Variants in MTR observed in about 807,000 individuals in gnomAD.
The protein encoded by MTR is methionine synthase.
Under a neutral mutation model 154.8 loss-of-function variants are expected in MTR, and 84 were observed. That is an observed-to-expected ratio of 0.54 (90% CI 0.45 to 0.65). The LOEUF (loss-of-function observed/expected upper bound fraction) is 0.65. Ranked by LOEUF, MTR falls within the 30% of genes least tolerant of loss-of-function variation. The pLI, the probability that MTR is intolerant of heterozygous loss-of-function variation, is 0.00. For missense variants in MTR, 1,275 were observed against 1,570.2 expected, an observed-to-expected ratio of 0.81 and a Z score of 3.18; for synonymous variants, 554 against 553.9, an observed-to-expected ratio of 1.00 and a Z score of 0.00.
chr1:236,891,066 A>G, intron 28 of MTR, 67 bp from the exon 29 acceptor site: 5 of 1,559,866 alleles, frequency 3.2e-6, no homozygotes, highest in Non-Finnish European at 4.4e-6. Flanking sequence ...ATGGCTTTTA[A>G]AAGAAGCATT....
At chr1:236,834,038 T>G (rs537709090) in intron 13 of MTR, among the ~76,000 whole-genome samples, 2 of 152,210 alleles carry the variant, frequency 1.3e-5, no homozygotes, top group African/African-American at 4.8e-5. Context: ...CCCAGTAGTT[T>G]TTTACATGAC....
chr1:236,853,106 C>A lies in MTR; in HGVS notation c.1953+18C>A, dbSNP rs1332906279. 6.2e-7 allele frequency: 1 copy of A among 1,613,462 alleles called. No individual in the cohort carries two copies. ...ATGCCCAGGTAGAGAGACAAGTGTT[C>A]TAATAGATGGATTTTTCCTATCTTT... On this transcript the variant is annotated intron_variant, in intron 18 of 32. Transcript: ENST00000366577.
rs188460125 is a variant in MTR, at chr1:236,869,543, C to T, written c.2406-4230C>T. On this transcript the variant is annotated intron_variant, in intron 22 of 32. Coordinates refer to ENST00000366577, the MANE Select transcript of MTR (RefSeq NM_000254.3). ...ACAAATACTGTAAAATCAACAACTT[C>T]CGTAACATTCATTTTTATTCTCTTT... is the stretch of plus-strand genomic sequence containing the variant. Among the ~76,000 whole-genome samples, 16 of 152,312 alleles carry T rather than the reference C, an allele frequency of 1.1e-4. No homozygotes were observed. In the East Asian group the frequency reaches 1.9e-3, roughly 18 times the overall value.
chr1:236,877,979 T>A (rs1665522924), intron 24 of MTR, among the ~76,000 whole-genome samples: 1 of 152,264 alleles, frequency 6.6e-6, no homozygotes, highest in Non-Finnish European at 1.5e-5. Context: ...CATTTATATA[T>A]TGACCATTTG....
At chr1:236,874,981 C>A in intron 24 of MTR, 135 bp downstream of exon 24, 2 of 1,040,986 alleles carry the variant, frequency 1.9e-6, no homozygotes, top group Non-Finnish European at 1.4e-6. Context: ...TAAACACAAA[C>A]ATTTTCTGGT....
chr1:236,902,003 G>A lies in MTR; in HGVS notation c.*4359G>A, dbSNP rs1666937231. ...TAAGGTTCTCATCATTTCTCCTCTG[G>A]ATTCATCTGCAACACAGGCTGCCGG... On this transcript the variant is annotated 3_prime_UTR_variant, in exon 33 of 33. Transcript: ENST00000366577. 1 of 152,152 alleles carries A rather than the reference G, an allele frequency of 6.6e-6. No homozygotes were observed. Among genetic ancestry groups the A allele is most frequent in the Non-Finnish European group, 1.5e-5 (1 of 68,092 alleles). The allele number at this position is 152,152 out of a possible 1,614,324, so 9.4% of individuals were successfully genotyped here. A position where few individuals can be genotyped will look rare whatever the true frequency, so the allele number is the denominator to read the frequency against.
At chr1:236,896,557 T>A (rs1025850952) in intron 31 of MTR, among the ~76,000 whole-genome samples, 3 of 152,224 alleles carry the variant, frequency 2.0e-5, no homozygotes, top group African/African-American at 7.2e-5. Flanking sequence ...GAAAACTGTC[T>A]CTTCTTTCTC....
chr1:236,885,700 A>G (rs555605203), intron 26 of MTR, among the ~76,000 whole-genome samples: 1 of 152,364 alleles, frequency 6.6e-6, no homozygotes, highest in South Asian at 2.1e-4. Context: ...GATCAGCTTC[A>G]GGGAATCCAT....
chr1:236,796,096 C>T (rs550894849), intron 1 of MTR, among the ~76,000 whole-genome samples: 38 of 151,832 alleles, frequency 2.5e-4, no homozygotes, highest in African/African-American at 8.9e-4. Flanking sequence ...GACGCTTATT[C>T]GTAAATATGT....
At chr1:236,801,923 CTCT>C (rs1660721302) in intron 1 of MTR, among the ~76,000 whole-genome samples, 1 of 152,172 alleles carries the variant, frequency 6.6e-6, no homozygotes. Flanking sequence ...TGGTGGTGAT[CTCT>C]TACCTTTGTA....
chr1:236,796,901 C>G (rs1489667750), intron 1 of MTR, among the ~76,000 whole-genome samples: 1 of 151,958 alleles, frequency 6.6e-6, no homozygotes, highest in Non-Finnish European at 1.5e-5. Context: ...TTTCTGGCCT[C>G]CCCCTTCCCA....
Position 236,795,423 on chromosome 1 carries a change from T to A in MTR, c.-281T>A, listed in dbSNP as rs2102981293. On this transcript the variant is annotated 5_prime_UTR_variant, in exon 1 of 33. Transcript: ENST00000366577. ...CCGCGACTCCGCCTCTGGCCGCGCG[T>A]GTCTGGCTGCTAGGCCGACACCAAG... The A allele has an allele frequency of 6.8e-7, 1 of 1,470,060 alleles. No individual in the cohort carries two copies. The highest frequency in any genetic ancestry group is 1.4e-5 in the African/African-American group (1 of 71,696). 91.1% of individuals were successfully genotyped at this position (1,470,060 alleles called of 1,614,324 possible).
intron 15 of MTR, among the ~76,000 whole-genome samples, chr1:236,844,680 C>T (rs1057081530): frequency 6.6e-6 from 1 of 152,058 alleles, no homozygotes; most frequent in Non-Finnish European, 1.5e-5. Flanking sequence ...GGACAGTTTG[C>T]TCAAAGTACA....
chr1:236,802,244 A>C (rs1276071271), intron 1 of MTR, among the ~76,000 whole-genome samples: 1 of 152,162 alleles, frequency 6.6e-6, no homozygotes, highest in Non-Finnish European at 1.5e-5. Context: ...GAGACAGAGA[A>C]TATATGCAAG....
intron 11 of MTR, among the ~76,000 whole-genome samples, chr1:236,827,604 T>C (rs1285441774): frequency 6.6e-6 from 1 of 152,170 alleles, no homozygotes; most frequent in East Asian, 1.9e-4. Context: ...TTAGATTCTC[T>C]CATGGAGGGA....
chr1:236,799,536 CTT>C (rs1427240640), intron 1 of MTR, among the ~76,000 whole-genome samples: 2 of 152,102 alleles, frequency 1.3e-5, no homozygotes, highest in Non-Finnish European at 2.9e-5. Context: ...TCACAATTCT[CTT>C]GTTTCCATAG....
intron 29 of MTR, 52 bp from the exon 30 acceptor site, chr1:236,894,305 C>T: frequency 1.3e-6 from 2 of 1,571,930 alleles, no homozygotes; most frequent in Admixed American, 3.3e-5. Flanking sequence ...GTGCTGGCGC[C>T]ACGTTCTTGC....
At chr1:236,798,494 A>G (rs1396965131) in intron 1 of MTR, among the ~76,000 whole-genome samples, 3 of 152,200 alleles carry the variant, frequency 2.0e-5, no homozygotes, top group African/African-American at 7.2e-5. Context: ...GGCACGGAAA[A>G]AAACCCCACA....
intron 1 of MTR, 104 bp downstream of exon 1, chr1:236,795,841 CG>C (rs1205890669): frequency 6.4e-7 from 1 of 1,555,934 alleles, no homozygotes; most frequent in Non-Finnish European, 8.8e-7. Flanking sequence ...AGACGCCCGG[CG>C]GTGTTTCCCC....
Sources: gnomAD v4.1 joint callset for allele counts (sites outside exome capture counted in the v4.1 genomes callset) on GRCh38, gnomAD v4.1.1 for gene constraint, MANE v1.5 for transcripts, NCBI Gene and HGNC (gene_info 2026-07-23, HGNC 2026-07-21) for gene names.